Variants in RAB11FIP4 observed in about 807,000 individuals in gnomAD.
RAB11FIP4 encodes the protein rab11 family-interacting protein 4.
RAB11FIP4 carries 23 observed loss-of-function variants against 74.3 expected under a neutral mutation model. The ratio of observed to expected loss-of-function variants is 0.31; its 90% CI spans 0.22 to 0.44. The LOEUF (loss-of-function observed/expected upper bound fraction) is 0.44, where lower values mean the gene tolerates loss of function less well. RAB11FIP4 is among the 20% of genes least tolerant of loss of function. The probability of loss-of-function intolerance (pLI) is 1.00; values close to 1 mark genes in which losing one functional copy is unlikely to be tolerated. For missense variants in RAB11FIP4, 630 were observed against 863.9 expected (o/e 0.73, Z 3.39); for synonymous variants, 360 against 359.9 (o/e 1.00, Z 0.00).
chr17:31,495,813 G>A lies in RAB11FIP4; in HGVS notation c.337-21838G>A, dbSNP rs982650762. 2.0e-5 allele frequency among the ~76,000 whole-genome samples: 3 copies of A among 152,218 alleles called. No homozygotes were observed. The East Asian group carries it at 5.8e-4, about 29-fold the overall frequency. On this transcript the variant is annotated intron_variant, in intron 3 of 14. Coordinates refer to ENST00000621161, the MANE Select transcript of RAB11FIP4 (RefSeq NM_032932.6). Reference sequence around the variant, plus strand: ...AAAGAAGGATTTTATAGCAGCAGGTGTGTGCTCATGTGCTTGTGTGGAGTT... The same window carrying A: ...AAAGAAGGATTTTATAGCAGCAGGTATGTGCTCATGTGCTTGTGTGGAGTT...
intron 3 of RAB11FIP4, among the ~76,000 whole-genome samples, chr17:31,504,742 CCTT>C (rs1406644336): frequency 1.3e-5 from 2 of 152,164 alleles, no homozygotes; most frequent in Non-Finnish European, 2.9e-5. Flanking sequence ...ATTCCATCCT[CCTT>C]GTTTATCCTC....
intron 1 of RAB11FIP4, among the ~76,000 whole-genome samples, chr17:31,397,808 T>C (rs2151613084): frequency 6.6e-6 from 1 of 151,690 alleles, no homozygotes; most frequent in African/African-American, 2.4e-5. Context: ...AGTTTGGCTG[T>C]GCTGGGAGGA....
At chr17:31,424,662 G>A (rs1285387376) in intron 1 of RAB11FIP4, among the ~76,000 whole-genome samples, 2 of 147,786 alleles carry the variant, frequency 1.4e-5, no homozygotes, top group East Asian at 2.0e-4. Flanking sequence ...TGCAACCTCC[G>A]CCTCCCAGGT....
chr17:31,528,842 G>C, intron 13 of RAB11FIP4, 64 bp downstream of exon 13: 3 of 1,537,284 alleles, frequency 2.0e-6, no homozygotes, highest in Non-Finnish European at 2.6e-6. Flanking sequence ...TGGGTTTCCT[G>C]TGCAGGATCT....
intron 3 of RAB11FIP4, among the ~76,000 whole-genome samples, chr17:31,492,032 G>A (rs1214948579): frequency 6.6e-6 from 1 of 152,200 alleles, no homozygotes; most frequent in Admixed American, 6.5e-5. Flanking sequence ...ACAGCTGCCT[G>A]GGCCTGCCTG....
chr17:31,391,883 C>T lies in RAB11FIP4; in HGVS notation c.31C>T (p.Pro11Ser), dbSNP rs2070874568. The change falls in exon 1 of 15, where the codon CCC becomes TCC. Residue 11 changes from proline to serine, a missense_variant. Transcript: ENST00000621161. Reference sequence around the variant, plus strand: ...GGGCGGCGCGGGCTGGTCGGGCGCCCCCGCGGCTCTGCTGCGCTCCGTGCG... The same window carrying T: ...GGGCGGCGCGGGCTGGTCGGGCGCCTCCGCGGCTCTGCTGCGCTCCGTGCG... MAGGAGWSGA[P>S]AALLRSVRRL... is the part of the protein sequence containing the mutation. 3 of 1,200,344 alleles carry T rather than the reference C, an allele frequency of 2.5e-6. No homozygotes were observed. Among genetic ancestry groups the T allele is most frequent in the Admixed American group, 9.1e-5 (2 of 22,040 alleles). 74.4% of individuals were successfully genotyped at this position (1,200,344 alleles called of 1,614,324 possible). A position where few individuals can be genotyped will look rare whatever the true frequency, so the allele number is the denominator to read the frequency against.
At chr17:31,398,409 G>A (rs1388432640) in intron 1 of RAB11FIP4, among the ~76,000 whole-genome samples, 5 of 152,120 alleles carry the variant, frequency 3.3e-5, no homozygotes, top group African/African-American at 9.7e-5. Context: ...TCATTCCCAA[G>A]ACACTGGAGT....
Position 31,505,632 on chromosome 17 carries a change from TA to T in RAB11FIP4, c.337-12017del, listed in dbSNP as rs1236768416. Among the ~76,000 whole-genome samples the T allele has an allele frequency of 2.6e-4, 18 of 69,162 alleles. 1 individual carries two copies. Among genetic ancestry groups the T allele is most frequent in the Middle Eastern group, 8.3e-3 (1 of 120 alleles). 45.4% of individuals were successfully genotyped at this position (69,162 alleles called of 152,430 possible). A position where few individuals can be genotyped will look rare whatever the true frequency, so the allele number is the denominator to read the frequency against. On this transcript the variant is annotated intron_variant, in intron 3 of 14. Transcript: ENST00000621161. Reference sequence around the variant, plus strand: ...TAATTATATATAATATATAATTATATAATAATAATTATATATAATATATAAT... The same window carrying T: ...TAATTATATATAATATATAATTATATATAATAATTATATATAATATATAAT...
chr17:31,394,823 C>T (rs558635647), intron 1 of RAB11FIP4, among the ~76,000 whole-genome samples: 1 of 150,088 alleles, frequency 6.7e-6, no homozygotes, highest in Admixed American at 6.8e-5. Flanking sequence ...TCGGCTTATG[C>T]TGTATTGACC....
chr17:31,433,552 G>A (rs1307415430), intron 2 of RAB11FIP4, among the ~76,000 whole-genome samples: 1 of 152,222 alleles, frequency 6.6e-6, no homozygotes, highest in Admixed American at 6.5e-5. Context: ...TGGGATCTCA[G>A]GAGCGAGGCC....
chr17:31,402,909 G>T (rs536615519), intron 1 of RAB11FIP4, among the ~76,000 whole-genome samples: 3 of 152,112 alleles, frequency 2.0e-5, no homozygotes, highest in South Asian at 2.1e-4. Flanking sequence ...ACAGGCGTGA[G>T]CCACCGCGCC....
chr17:31,487,244 G>C (rs879610993), intron 3 of RAB11FIP4, among the ~76,000 whole-genome samples: 13 of 152,138 alleles, frequency 8.5e-5, no homozygotes, highest in Non-Finnish European at 1.3e-4. Flanking sequence ...TAAAGTCCAG[G>C]GCATGGTTAA....
chr17:31,505,623 ATAAT>A, intron 3 of RAB11FIP4, among the ~76,000 whole-genome samples: 1 of 17,930 alleles, frequency 5.6e-5, no homozygotes, highest in Non-Finnish European at 9.0e-5. Flanking sequence ...TATATAATAT[ATAAT>A]TATATAATAA....
At chr17:31,516,913 G>A (rs545902373) in intron 3 of RAB11FIP4, among the ~76,000 whole-genome samples, 1 of 152,176 alleles carries the variant, frequency 6.6e-6, no homozygotes, top group African/African-American at 2.4e-5. Flanking sequence ...TGTAAATGAA[G>A]TAGTGGCCCA....
chr17:31,480,459 T>C (rs548403821), intron 3 of RAB11FIP4, among the ~76,000 whole-genome samples: 4 of 152,082 alleles, frequency 2.6e-5, no homozygotes, highest in Non-Finnish European at 5.9e-5. Flanking sequence ...AGCCACCCTT[T>C]CCTGAAGCAA....
intron 3 of RAB11FIP4, among the ~76,000 whole-genome samples, chr17:31,454,616 G>T (rs1397212500): frequency 1.3e-5 from 2 of 152,012 alleles, no homozygotes; most frequent in African/African-American, 2.4e-5. Flanking sequence ...GGCGGCCATG[G>T]CTCATGCCTG....
rs1380330116 is a variant in RAB11FIP4 at position 31,504,132 on chromosome 17, CT to C, written c.337-13503del. On this transcript the variant is annotated intron_variant, in intron 3 of 14. Coordinates refer to ENST00000621161, the MANE Select transcript of RAB11FIP4 (RefSeq NM_032932.6). ...TTCCATATAATGTTTACTACTACTT[CT>C]TTTTTTTTTTTTTTTGAGACATTGT... is the stretch of plus-strand genomic sequence containing the variant. Among the ~76,000 whole-genome samples the C allele has an allele frequency of 3.6e-3, 495 of 136,206 alleles. 34 individuals are homozygous for C. Among genetic ancestry groups the C allele is most frequent in the African/African-American group, 7.9e-3 (268 of 33,990 alleles). 89.4% of individuals were successfully genotyped at this position (136,206 alleles called of 152,430 possible).
chr17:31,474,400 G>A (rs1412918020), intron 3 of RAB11FIP4, among the ~76,000 whole-genome samples: 11 of 152,128 alleles, frequency 7.2e-5, no homozygotes, highest in Non-Finnish European at 1.0e-4. Context: ...GACCAGGTGC[G>A]GTGGCTCACA....
chr17:31,529,194 C>T (rs554536676), intron 13 of RAB11FIP4, among the ~76,000 whole-genome samples: 1 of 150,796 alleles, frequency 6.6e-6, no homozygotes, highest in African/African-American at 2.4e-5. Flanking sequence ...AATTCCTGGG[C>T]TCAGGTGATC....
Sources: allele counts gnomAD v4.1 joint callset (sites outside exome capture counted in the v4.1 genomes callset), GRCh38; gene constraint gnomAD v4.1.1; transcripts MANE v1.5; gene names NCBI Gene and HGNC (gene_info 2026-07-23, HGNC 2026-07-21).